Variants in ROS1 observed in about 807,000 individuals in gnomAD.
The protein encoded by ROS1 is ROS proto-oncogene 1, receptor tyrosine kinase, also known as proto-oncogene tyrosine-protein kinase ROS.
Under a neutral mutation model 273.5 loss-of-function variants are expected in ROS1, and 263 were observed. The ratio of observed to expected loss-of-function variants is 0.96; its 90% CI spans 0.87 to 1.06. The LOEUF is 1.06. Ranked by LOEUF, ROS1 falls within the 50% of genes least tolerant of loss-of-function variation. ROS1 has a pLI of 0.00. For missense variants in ROS1, 2,833 were observed against 2,751.1 expected (o/e 1.03, Z -0.67); for synonymous variants, 1,008 against 954.1 (o/e 1.06, Z -1.04).
Position 117,386,911 on chromosome 6 carries a change from G to T in ROS1, c.2088C>A (p.Ser696=), listed in dbSNP as rs141229963. The T allele has an allele frequency of 3.7e-6, 6 of 1,603,424 alleles. No homozygotes were observed. Among genetic ancestry groups the T allele is most frequent in the Non-Finnish European group, 5.1e-6 (6 of 1,171,446 alleles). The part of the protein sequence containing the change: ...LNSFGPGEFL[S]SDIGNVSDMD... Reference sequence around the variant, plus strand: ...TACCTGACACATTTCCTATATCAGAGGATAAGAACTCTCCTGGGCCAAAGC... The same window carrying T: ...TACCTGACACATTTCCTATATCAGATGATAAGAACTCTCCTGGGCCAAAGC... Residue 696 remains serine (S), a synonymous_variant, in exon 15 of 44, where the codon TCC becomes TCA. Transcript: ENST00000368507.
intron 17 of ROS1, among the ~76,000 whole-genome samples, chr6:117,382,215 T>C (rs776256733): frequency 1.3e-5 from 2 of 152,216 alleles, no homozygotes; most frequent in Admixed American, 6.5e-5. Context: ...TTTTTATTAT[T>C]TGACAAGAAT....
intron 35 of ROS1, among the ~76,000 whole-genome samples, chr6:117,323,572 G>A (rs1362319326): frequency 6.6e-6 from 1 of 152,042 alleles, no homozygotes; most frequent in Non-Finnish European, 1.5e-5. Context: ...CGGACAGTTT[G>A]GGGAATGAAA....
chr6:117,358,469 T>C (rs1779513125), intron 24 of ROS1, among the ~76,000 whole-genome samples: 1 of 130,890 alleles, frequency 7.6e-6, no homozygotes, highest in African/African-American at 3.2e-5. Context: ...AACTAGTCCC[T>C]TTTTTTTTTG....
chr6:117,306,726 CAAAT>C (rs1562255064), intron 42 of ROS1, among the ~76,000 whole-genome samples: 1 of 152,144 alleles, frequency 6.6e-6, no homozygotes, highest in Non-Finnish European at 1.5e-5. Context: ...AAAACTGCTT[CAAAT>C]AAATATCAGT....
intron 18 of ROS1, among the ~76,000 whole-genome samples, chr6:117,366,540 G>A (rs1780261621): frequency 6.6e-6 from 1 of 151,974 alleles, no homozygotes; most frequent in Admixed American, 6.6e-5. Flanking sequence ...TTGAGATGGA[G>A]TCTCACTCTG....
chr6:117,424,958 T>C (rs1776030852), intron 1 of ROS1, among the ~76,000 whole-genome samples: 1 of 152,140 alleles, frequency 6.6e-6, no homozygotes, highest in Non-Finnish European at 1.5e-5. Context: ...AAAGAGATGG[T>C]ACAATAGTTA....
chr6:117,369,580 A>G (rs1392723503), intron 18 of ROS1, among the ~76,000 whole-genome samples: 1 of 152,162 alleles, frequency 6.6e-6, no homozygotes, highest in Non-Finnish European at 1.5e-5. Context: ...TCAAAAAAAA[A>G]AAGAAACCAG....
intron 5 of ROS1, among the ~76,000 whole-genome samples, chr6:117,408,618 A>T (rs1226425711): frequency 6.6e-6 from 1 of 152,224 alleles, no homozygotes; most frequent in Non-Finnish European, 1.5e-5. Context: ...TGTTGGTGGG[A>T]GTGTAAACTA....
chr6:117,423,141 G>T (rs1453846959), intron 1 of ROS1, among the ~76,000 whole-genome samples: 1 of 152,094 alleles, frequency 6.6e-6, no homozygotes, highest in Non-Finnish European at 1.5e-5. Context: ...ATGATACAAT[G>T]GGCTTTGGGG....
rs1773560726 is a variant in ROS1, at chr6:117,288,056, G to C, written c.*436C>G. Among the ~76,000 whole-genome samples, 1 of 152,086 alleles carries C rather than the reference G, an allele frequency of 6.6e-6. No homozygotes were observed. The highest frequency in any genetic ancestry group is 1.5e-5 in the Non-Finnish European group (1 of 68,020). ...TTCTCATTTCCTTGGTCCCATTTGA[G>C]ATTATCTGTAGTTCAGTTGACCCCC... On this transcript the variant is annotated 3_prime_UTR_variant, in exon 44 of 44. Transcript: ENST00000368507.
chr6:117,338,360 G>A (rs920527493), intron 31 of ROS1, among the ~76,000 whole-genome samples: 9 of 151,960 alleles, frequency 5.9e-5, no homozygotes, highest in Non-Finnish European at 1.3e-4. Flanking sequence ...GGGAATAAGG[G>A]AATGGAAGGA....
intron 43 of ROS1, among the ~76,000 whole-genome samples, chr6:117,292,101 T>C (rs1309869222): frequency 2.0e-5 from 3 of 151,860 alleles, no homozygotes; most frequent in Non-Finnish European, 4.4e-5. Flanking sequence ...TCTCTAGTAG[T>C]TGGGAATACA....
rs142565515 is a variant in ROS1, at chr6:117,335,810, G to C, written c.5230+1362C>G. Among the ~76,000 whole-genome samples, 1,092 of 152,168 alleles carry C rather than the reference G, an allele frequency of 7.2e-3. 8 individuals are homozygous for C. Among genetic ancestry groups the C allele is most frequent in the African/African-American group, 0.025 (1,032 of 41,506 alleles). On this transcript the variant is annotated intron_variant, in intron 32 of 43. Coordinates refer to ENST00000368507, the MANE Select transcript of ROS1 (RefSeq NM_001378902.1). ...TTGAGAACACATGGATACAGAGAGG[G>C]GAACAGCACACACCAGGGCCTGTTG...
chr6:117,381,182 T>TG lies in ROS1; in HGVS notation c.2482-2024dup, dbSNP rs1383979845. Reference sequence around the variant, plus strand: ...ACCTGGGAGAGGATTTGCAGAGGACTGTTTTTTTTTTTTTTTGGTTAATTT... The same window carrying TG: ...ACCTGGGAGAGGATTTGCAGAGGACTGGTTTTTTTTTTTTTTTGGTTAATTT... On this transcript the variant is annotated intron_variant, in intron 17 of 43. Transcript: ENST00000368507. Among the ~76,000 whole-genome samples the TG allele has an allele frequency of 3.3e-4, 48 of 146,452 alleles. No individual in the cohort carries two copies. In the South Asian group the frequency reaches 7.7e-3, roughly 23 times the overall value.
At chr6:117,350,077 C>G (rs1162554121) in intron 27 of ROS1, among the ~76,000 whole-genome samples, 3 of 151,984 alleles carry the variant, frequency 2.0e-5, no homozygotes, top group Non-Finnish European at 4.4e-5. Context: ...TATTTATTCT[C>G]TAATGCTCTT....
chr6:117,403,761 C>T (rs991872010), intron 6 of ROS1, among the ~76,000 whole-genome samples: 3 of 152,086 alleles, frequency 2.0e-5, no homozygotes, highest in African/African-American at 7.2e-5. Flanking sequence ...GTATATATGT[C>T]CAACATTATA....
At position 117,397,264 on chromosome 6, in the gene ROS1, A is replaced by G. The variant is rs1773574005; in HGVS notation, c.605-148T>C. ...AATACTCAAAATATGTGATAGAGGA[A>G]AGGTGGTAAGATGTCTAAACCAGTT... On this transcript the variant is annotated intron_variant, in intron 7 of 43. Coordinates refer to ENST00000368507, the MANE Select transcript of ROS1 (RefSeq NM_001378902.1). The G allele has an allele frequency of 2.1e-5, 13 of 621,774 alleles. No homozygotes were observed. The South Asian group carries it at 2.7e-4, about 13-fold the overall frequency. 38.5% of individuals were successfully genotyped at this position (621,774 alleles called of 1,614,324 possible).
chr6:117,310,515 G>T (rs556936257), intron 40 of ROS1, among the ~76,000 whole-genome samples: 38 of 152,002 alleles, frequency 2.5e-4, no homozygotes, highest in African/African-American at 8.7e-4. Flanking sequence ...CCTGCATTAG[G>T]TATTTCTCCT....
chr6:117,368,219 T>C (rs1201326725), intron 18 of ROS1, among the ~76,000 whole-genome samples: 1 of 152,206 alleles, frequency 6.6e-6, no homozygotes, highest in Non-Finnish European at 1.5e-5. Context: ...TTGTAACAGT[T>C]GTTTAGTACT....
Sources: allele counts gnomAD v4.1 joint callset (sites outside exome capture counted in the v4.1 genomes callset), GRCh38; gene constraint gnomAD v4.1.1; transcripts MANE v1.5; gene names NCBI Gene and HGNC (gene_info 2026-07-23, HGNC 2026-07-21).